The following KHDC1 variants were observed in gnomAD, a reference collection of about 807,000 sequenced individuals.
The protein encoded by KHDC1 is KH homology domain-containing protein 1.
KHDC1 carries 21 observed loss-of-function variants against 24.7 expected under a neutral mutation model. The ratio of observed to expected loss-of-function variants is 0.85; its 90% CI spans 0.60 to 1.23. The LOEUF is 1.23. Ranked by LOEUF, KHDC1 falls within the 50% of genes most tolerant of loss-of-function variation. The probability of loss-of-function intolerance (pLI) is 0.00; values close to 1 mark genes in which losing one functional copy is unlikely to be tolerated. For synonymous variants in KHDC1, 98 were observed against 111.7 expected, an observed-to-expected ratio of 0.88 and a Z score of 0.77; for missense variants, 274 against 298.5, an observed-to-expected ratio of 0.92 and a Z score of 0.61.
intron 1 of KHDC1, among the ~76,000 whole-genome samples, chr6:73,294,883 A>G (rs1273270665): frequency 3.9e-5 from 6 of 152,124 alleles, no homozygotes; most frequent in Non-Finnish European, 5.9e-5. Flanking sequence ...AGCATGTGGC[A>G]TGGCTCACAC....
chr6:73,253,449 A>T (rs1217191621), intron 2 of KHDC1, among the ~76,000 whole-genome samples: 2 of 152,016 alleles, frequency 1.3e-5, no homozygotes, highest in African/African-American at 4.8e-5. Flanking sequence ...GCTACTCGGG[A>T]GGCTGAGGCA....
intron 2 of KHDC1, among the ~76,000 whole-genome samples, chr6:73,248,686 A>G (rs536146348): frequency 9.5e-4 from 145 of 152,318 alleles, no homozygotes; most frequent in Non-Finnish European, 1.8e-3. Flanking sequence ...CCCTCTTCCA[A>G]GAGGCTACCT....
At chr6:73,263,909 A>G (rs958515616) in intron 2 of KHDC1, among the ~76,000 whole-genome samples, 3 of 152,328 alleles carry the variant, frequency 2.0e-5, no homozygotes, top group Admixed American at 2.0e-4. Flanking sequence ...AGTATTAACA[A>G]AAGGTCGGGC....
intron 2 of KHDC1, among the ~76,000 whole-genome samples, chr6:73,246,305 G>T (rs1335763411): frequency 1.3e-5 from 2 of 152,142 alleles, no homozygotes; most frequent in Non-Finnish European, 2.9e-5. Flanking sequence ...CTGGGAGAAG[G>T]TCATACACTA....
At position 73,297,557 on chromosome 6, in the gene KHDC1, C is replaced by T. The variant is rs141469984; in HGVS notation, c.164-5517G>A. Among the ~76,000 whole-genome samples, 146 of 152,196 alleles carry T rather than the reference C, an allele frequency of 9.6e-4. 3 individuals carry two copies. The East Asian group carries it at 0.026, about 27-fold the overall frequency. ...ATTTGCTGTGTCAAGGGGTGTGTAC[C>T]TTTCCAATTGATAAGGTATTGCCAA... On this transcript the variant is annotated intron_variant, in intron 1 of 4. Transcript: ENST00000370384.
chr6:73,252,076 CCT>C (rs1447269161), intron 2 of KHDC1, among the ~76,000 whole-genome samples: 1 of 150,988 alleles, frequency 6.6e-6, no homozygotes, highest in Non-Finnish European at 1.5e-5. Context: ...ACGGTCTCAC[CCT>C]GTCACCCAAG....
rs33926109 is a variant in KHDC1 at position 73,288,803 on chromosome 6, CAAAA to C, written c.206+3191_206+3194del. 4.4e-3 allele frequency among the ~76,000 whole-genome samples: 345 copies of C among 78,558 alleles called. 2 individuals carry two copies. The highest frequency in any genetic ancestry group is 0.014 in the African/African-American group (312 of 21,902). The allele number at this position is 78,558 out of a possible 152,430, so 51.5% of individuals were successfully genotyped here. ...ACATAGTATAGTAAGACCCCCATCT[CAAAA>C]AAAAAAAAAAAAAAAAAGGTAATTA... On this transcript the variant is annotated intron_variant, in intron 2 of 4. Coordinates refer to ENST00000370384, the Ensembl canonical transcript of KHDC1.
intron 2 of KHDC1, among the ~76,000 whole-genome samples, chr6:73,249,278 C>T (rs1766733819): frequency 2.0e-5 from 3 of 151,618 alleles, no homozygotes; most frequent in Admixed American, 2.0e-4. Flanking sequence ...GAAACCCAGT[C>T]TCTTGAAAAA....
intron 2 of KHDC1, chr6:73,262,808 C>CT: frequency 1.0e-6 from 1 of 985,590 alleles, no homozygotes; most frequent in Non-Finnish European, 1.2e-6. Context: ...ACGCAACTCA[C>CT]TGACTCAACC....
chr6:73,263,235 G>A, intron 2 of KHDC1, 39 bp from the exon 1 acceptor site: 2 of 986,826 alleles, frequency 2.0e-6, no homozygotes, highest in Non-Finnish European at 2.4e-6. Context: ...TGCGGCGCGG[G>A]AAGCAACCCA....
At position 73,262,993 on chromosome 6, in the gene KHDC1, A is replaced by G. The variant is rs1370924764; in HGVS notation, c.207-20463T>C. 4 of 1,010,744 alleles carry G rather than the reference A, an allele frequency of 4.0e-6. No individual in the cohort carries two copies. In the African/African-American group the frequency reaches 5.2e-5, roughly 13 times the overall value. 62.6% of individuals were successfully genotyped at this position (1,010,744 alleles called of 1,614,324 possible). On this transcript the variant is annotated intron_variant, in intron 2 of 4. Transcript: ENST00000370384. The stretch of plus-strand genomic sequence containing the variant: ...GGCTGGGCTTTGACGGTAGGAATGA[A>G]GGAGGTGAGGGTGGCGCGCCGCAGG...
intron 2 of KHDC1, among the ~76,000 whole-genome samples, chr6:73,264,553 T>A (rs1414285365): frequency 6.6e-6 from 1 of 152,126 alleles, no homozygotes; most frequent in African/African-American, 2.4e-5. Context: ...AGGTTTAAGA[T>A]TCTGTGGAGC....
intron 2 of KHDC1, among the ~76,000 whole-genome samples, chr6:73,246,255 A>G (rs1339392926): frequency 3.3e-5 from 5 of 152,162 alleles, no homozygotes; most frequent in Non-Finnish European, 7.3e-5. Flanking sequence ...CCTTCACTGA[A>G]TGAAGGAGAA....
At chr6:73,296,836 A>G (rs1313414167) in intron 1 of KHDC1, among the ~76,000 whole-genome samples, 1 of 152,006 alleles carries the variant, frequency 6.6e-6, no homozygotes, top group Non-Finnish European at 1.5e-5. Flanking sequence ...GTCTTTTTCA[A>G]CCTCTCTCAG....
chr6:73,290,637 A>G lies in KHDC1; in HGVS notation c.206+1361T>C, dbSNP rs1767632030. On this transcript the variant is annotated intron_variant, in intron 2 of 4. Transcript: ENST00000370384. The stretch of plus-strand genomic sequence containing the variant: ...ATTGAAAACCCTGCTGATGTGTCAT[A>G]TCCTGCAGGAATACTAGCTAGTGGG... The G allele has an allele frequency of 7.9e-6, 4 of 504,054 alleles. No individual in the cohort carries two copies. In the Admixed American group the frequency reaches 8.3e-5, roughly 10 times the overall value. 31.2% of individuals were successfully genotyped at this position (504,054 alleles called of 1,614,324 possible).
chr6:73,273,225 T>C, intron 2 of KHDC1, among the ~76,000 whole-genome samples: 1 of 151,172 alleles, frequency 6.6e-6, no homozygotes, highest in Non-Finnish European at 1.5e-5. Context: ...TGGAGTGCAA[T>C]GGCGTGATCT....
chr6:73,252,043 T>C (rs1304107777), intron 2 of KHDC1, among the ~76,000 whole-genome samples: 1 of 150,662 alleles, frequency 6.6e-6, no homozygotes, highest in African/African-American at 2.4e-5. Context: ...ATCATATCTT[T>C]TTTTTTTTTT....
chr6:73,297,528 G>T (rs565723147), intron 1 of KHDC1, among the ~76,000 whole-genome samples: 2 of 152,038 alleles, frequency 1.3e-5, no homozygotes, highest in African/African-American at 4.8e-5. Flanking sequence ...AATTCCAAAC[G>T]TAGATTTGCT....
chr6:73,295,267 C>A (rs1387677751), intron 1 of KHDC1, among the ~76,000 whole-genome samples: 1 of 152,166 alleles, frequency 6.6e-6, no homozygotes, highest in African/African-American at 2.4e-5. Flanking sequence ...TGTAAGTTTC[C>A]TGAGGCCTCC....
Sources: allele counts gnomAD v4.1 joint callset (sites outside exome capture counted in the v4.1 genomes callset), GRCh38; gene constraint gnomAD v4.1.1; transcripts MANE v1.5; gene names NCBI Gene and HGNC (gene_info 2026-07-23, HGNC 2026-07-21).